SORCS3: variants seen among roughly 807,000 people sequenced by gnomAD.
The protein encoded by SORCS3 is sortilin related VPS10 domain containing receptor 3.
SORCS3 carries 57 observed loss-of-function variants against 146.3 expected under a neutral mutation model. The ratio of observed to expected loss-of-function variants is 0.39; its 90% CI spans 0.31 to 0.49. The LOEUF is 0.49. SORCS3 is among the 20% of genes least tolerant of loss of function. SORCS3 has a pLI of 0.92. For synonymous variants in SORCS3, 653 were observed against 618.5 expected (o/e 1.06, Z -0.83); for missense variants, 1,341 against 1,575.5 (o/e 0.85, Z 2.52).
intron 2 of SORCS3, among the ~76,000 whole-genome samples, chr10:104,869,253 A>G (rs1208394590): frequency 6.6e-6 from 1 of 152,226 alleles, no homozygotes; most frequent in Non-Finnish European, 1.5e-5. Context: ...CACAATGTGT[A>G]AATTTCAGCC....
intron 1 of SORCS3, among the ~76,000 whole-genome samples, chr10:104,836,110 C>T (rs1400237557): frequency 6.6e-6 from 1 of 152,130 alleles, no homozygotes; most frequent in Non-Finnish European, 1.5e-5. Flanking sequence ...TCCAATTGGG[C>T]AAGTGAATTT....
At chr10:104,904,011 G>A (rs2018878915) in intron 2 of SORCS3, among the ~76,000 whole-genome samples, 1 of 152,070 alleles carries the variant, frequency 6.6e-6, no homozygotes. Context: ...TTTAAAATGA[G>A]TCAATATTGT....
At chr10:104,757,650 C>G (rs1021969638) in intron 1 of SORCS3, among the ~76,000 whole-genome samples, 8 of 151,996 alleles carry the variant, frequency 5.3e-5, no homozygotes, top group Admixed American at 3.3e-4. Flanking sequence ...CTGGATATTG[C>G]CTTTTGGTGG....
intron 5 of SORCS3, among the ~76,000 whole-genome samples, chr10:105,083,219 ATTTATC>A (rs1163641711): frequency 6.6e-6 from 1 of 151,958 alleles, no homozygotes; most frequent in Non-Finnish European, 1.5e-5. Context: ...TACTGAAACA[ATTTATC>A]TTTACTATCT....
chr10:105,238,437 A>G lies in SORCS3; in HGVS notation c.2869-7105A>G, dbSNP rs376861655. On this transcript the variant is annotated intron_variant, in intron 20 of 26. Coordinates refer to ENST00000369701, the MANE Select transcript of SORCS3 (RefSeq NM_014978.3). ...TTGTTGATCATGGAGTGAGTGAGTC[A>G]TATACAAAGTTGAGCCTAAGCTGGC... is the stretch of plus-strand genomic sequence containing the variant. Among the ~76,000 whole-genome samples the G allele has an allele frequency of 3.9e-5, 6 of 152,294 alleles. No homozygotes were observed. The East Asian group carries it at 1.2e-3, about 29-fold the overall frequency.
At chr10:104,919,636 C>CAG (rs2019067246) in intron 3 of SORCS3, among the ~76,000 whole-genome samples, 1 of 151,890 alleles carries the variant, frequency 6.6e-6, no homozygotes, top group African/African-American at 2.4e-5. Context: ...TTGCGGTGAG[C>CAG]AGAGGTCACA....
rs144168500 is a variant in SORCS3 at position 104,874,700 on chromosome 10, A to G, written c.695+31841A>G. On this transcript the variant is annotated intron_variant, in intron 2 of 26. Coordinates refer to ENST00000369701, the MANE Select transcript of SORCS3 (RefSeq NM_014978.3). ...ATGGAGGAAGCTTATTGTCCTCCCTACTGTTACTCCTTTAACTTGCACACC... is the reference window on the plus strand; with the variant it reads ...ATGGAGGAAGCTTATTGTCCTCCCTGCTGTTACTCCTTTAACTTGCACACC... 3.3e-3 allele frequency among the ~76,000 whole-genome samples: 508 copies of G among 152,258 alleles called. 2 individuals carry two copies. Among genetic ancestry groups the G allele is most frequent in the South Asian group, 0.018 (88 of 4,820 alleles).
At position 105,147,738 on chromosome 10, in the gene SORCS3, T is replaced by C. The variant is rs1359194239; in HGVS notation, c.1424T>C (p.Met475Thr). 5 of 1,613,018 alleles carry C rather than the reference T, an allele frequency of 3.1e-6. No individual in the cohort carries two copies. Among genetic ancestry groups the C allele is most frequent in the African/African-American group, 2.7e-5 (2 of 74,866 alleles). Residue 475 changes from methionine to threonine, a missense_variant, in exon 9 of 27, where the codon ATG becomes ACG. Coordinates refer to ENST00000369701, the MANE Select transcript of SORCS3 (RefSeq NM_014978.3). ...DTRGIYFTLA[M>T]ENIKSSRGLM... ...CGTGGGATTTACTTCACTCTGGCCA[T>C]GGAGAACATCAAGAGCAGCAGAGGT...
intron 14 of SORCS3, among the ~76,000 whole-genome samples, chr10:105,193,073 T>C (rs1168893518): frequency 6.6e-6 from 1 of 152,194 alleles, no homozygotes; most frequent in Non-Finnish European, 1.5e-5. Context: ...AATGAGGTCT[T>C]TTATTTTTGT....
intron 7 of SORCS3, among the ~76,000 whole-genome samples, chr10:105,119,726 G>A (rs1183473693): frequency 6.6e-6 from 1 of 152,178 alleles, no homozygotes; most frequent in Non-Finnish European, 1.5e-5. Flanking sequence ...CTTGCATGGG[G>A]CCTGTGGTGC....
At chr10:104,691,612 A>G (rs954595312) in intron 1 of SORCS3, among the ~76,000 whole-genome samples, 2 of 152,212 alleles carry the variant, frequency 1.3e-5, no homozygotes, top group African/African-American at 4.8e-5. Flanking sequence ...AACTCAAGAC[A>G]TGGAGCAGAT....
chr10:104,730,764 A>G (rs114407353), intron 1 of SORCS3, among the ~76,000 whole-genome samples: 7,271 of 152,272 alleles, frequency 0.048, 533 homozygotes, highest in African/African-American at 0.16. Context: ...CAGGAGAGAT[A>G]ATGAGAGCCA....
chr10:104,863,987 G>A (rs928826945), intron 2 of SORCS3, among the ~76,000 whole-genome samples: 1 of 152,144 alleles, frequency 6.6e-6, no homozygotes, highest in Non-Finnish European at 1.5e-5. Context: ...GGAGATCTGA[G>A]GACAAGTGAG....
intron 1 of SORCS3, among the ~76,000 whole-genome samples, chr10:104,818,685 A>T (rs1279517746): frequency 6.6e-6 from 1 of 152,050 alleles, no homozygotes; most frequent in Non-Finnish European, 1.5e-5. Context: ...TGTCTTCAGA[A>T]AGATTCCAAC....
At chr10:104,926,702 G>C (rs2133607662) in intron 3 of SORCS3, among the ~76,000 whole-genome samples, 1 of 152,296 alleles carries the variant, frequency 6.6e-6, no homozygotes, top group Non-Finnish European at 1.5e-5. Flanking sequence ...ATCACTTAAA[G>C]GAAAAAGAAT....
chr10:105,081,757 T>C (rs1057462163), intron 5 of SORCS3, among the ~76,000 whole-genome samples: 1 of 152,202 alleles, frequency 6.6e-6, no homozygotes, highest in Non-Finnish European at 1.5e-5. Context: ...CTGCATCCTT[T>C]CTTGGTCTTT....
chr10:105,007,138 A>C (rs1589591049), intron 4 of SORCS3, among the ~76,000 whole-genome samples: 1 of 152,188 alleles, frequency 6.6e-6, no homozygotes, highest in Non-Finnish European at 1.5e-5. Flanking sequence ...ATCTAGTGTT[A>C]GTGACTTCCT....
At chr10:105,077,521 AACACACAC>A (rs60182481) in intron 5 of SORCS3, among the ~76,000 whole-genome samples, 2,876 of 116,608 alleles carry the variant, frequency 0.025, 77 homozygotes, top group African/African-American at 0.071. Flanking sequence ...GACTAAATTA[AACACACAC>A]ACACACACAC....
At chr10:105,034,650 T>C (rs1017721871) in intron 4 of SORCS3, among the ~76,000 whole-genome samples, 1 of 152,158 alleles carries the variant, frequency 6.6e-6, no homozygotes, top group African/African-American at 2.4e-5. Context: ...GATACTGACT[T>C]GGGAAACAGA....
Sources: gnomAD v4.1 joint callset for allele counts (sites outside exome capture counted in the v4.1 genomes callset) on GRCh38, gnomAD v4.1.1 for gene constraint, MANE v1.5 for transcripts, NCBI Gene and HGNC (gene_info 2026-07-23, HGNC 2026-07-21) for gene names.